TMC1: variants seen among roughly 807,000 people sequenced by gnomAD.
TMC1 encodes transmembrane channel-like protein 1.
In TMC1, 84 loss-of-function variants were observed where a neutral mutation model predicts 105.8. The observed-to-expected ratio is 0.79, with a 90% CI of 0.67 to 0.95. The LOEUF (loss-of-function observed/expected upper bound fraction) is 0.95, where lower values mean the gene tolerates loss of function less well. Among genes scored for constraint, TMC1 ranks in the 40% least tolerant of loss-of-function variants. The pLI, the probability that TMC1 is intolerant of heterozygous loss-of-function variation, is 0.00. For missense variants in TMC1, 817 were observed against 914.1 expected (o/e 0.89, Z 1.37); for synonymous variants, 315 against 311.5 (o/e 1.01, Z -0.12).
intron 8 of TMC1, among the ~76,000 whole-genome samples, chr9:72,709,309 T>C (rs1473464419): frequency 6.6e-6 from 1 of 152,138 alleles, no homozygotes; most frequent in Non-Finnish European, 1.5e-5. Flanking sequence ...TCAGGGATAT[T>C]GGTCTGTGGT....
At position 72,772,476 on chromosome 9, in the gene TMC1, A is replaced by G. The variant is rs1827944530; in HGVS notation, c.805A>G (p.Met269Val). 6.2e-7 allele frequency: 1 copy of G among 1,613,950 alleles called. No individual in the cohort carries two copies. The highest frequency in any genetic ancestry group is 8.5e-7 in the Non-Finnish European group (1 of 1,179,850). Reference sequence around the variant, plus strand: ...TGACAATAAACGAACAATTGGATGGATGAATTTCAGGTTGCCGCTCTCCTA... The same window carrying G: ...TGACAATAAACGAACAATTGGATGGGTGAATTTCAGGTTGCCGCTCTCCTA... ...YYDNKRTIGW[M>V]NFRLPLSYFL... The change falls in exon 13 of 24, where the codon ATG becomes GTG. Residue 269 changes from methionine (M) to valine (V), a missense_variant. Coordinates refer to ENST00000297784, the MANE Select transcript of TMC1 (RefSeq NM_138691.3).
At chr9:72,644,292 T>G (rs1424799728) in intron 4 of TMC1, among the ~76,000 whole-genome samples, 3 of 152,220 alleles carry the variant, frequency 2.0e-5, no homozygotes, top group Admixed American at 2.0e-4. Flanking sequence ...TTTATGTTTT[T>G]TTTTATTTTG....
chr9:72,786,385 A>G (rs998954604), intron 13 of TMC1, among the ~76,000 whole-genome samples: 16 of 152,182 alleles, frequency 1.1e-4, no homozygotes, highest in Non-Finnish European at 7.4e-5. Context: ...CGGAGCTTGC[A>G]TTGAGCCGAG....
chr9:72,646,681 T>G (rs940830587), intron 4 of TMC1, among the ~76,000 whole-genome samples: 1 of 151,968 alleles, frequency 6.6e-6, no homozygotes, highest in African/African-American at 2.4e-5. Flanking sequence ...TCCTGCAGAC[T>G]GGAGTGCAGT....
intron 2 of TMC1, among the ~76,000 whole-genome samples, chr9:72,601,715 T>A (rs558899784): frequency 3.3e-5 from 5 of 152,176 alleles, no homozygotes; most frequent in African/African-American, 1.2e-4. Context: ...TGGTGGTGCA[T>A]TCCTGTAGTT....
At chr9:72,742,613 T>A in intron 10 of TMC1, 88 bp downstream of exon 10, 1 of 1,126,164 alleles carries the variant, frequency 8.9e-7, no homozygotes, top group Non-Finnish European at 1.3e-6. Context: ...GTTTCTGGAC[T>A]TTTGGGAAGA....
intron 10 of TMC1, among the ~76,000 whole-genome samples, chr9:72,746,965 C>A (rs1389323514): frequency 2.6e-5 from 4 of 152,038 alleles, no homozygotes; most frequent in Admixed American, 2.6e-4. Flanking sequence ...TGTTTGTACC[C>A]CCAGGAAATA....
At chr9:72,793,018 C>T (rs1337076781) in intron 17 of TMC1, among the ~76,000 whole-genome samples, 2 of 152,142 alleles carry the variant, frequency 1.3e-5, no homozygotes, top group East Asian at 3.9e-4. Flanking sequence ...ACCCATACTT[C>T]TCCCGTGGAT....
At chr9:72,823,146 G>GTACT (rs1415994115) in intron 20 of TMC1, among the ~76,000 whole-genome samples, 1 of 152,102 alleles carries the variant, frequency 6.6e-6, no homozygotes, top group African/African-American at 2.4e-5. Context: ...TTTCAATGGA[G>GTACT]TACTGGGAAG....
intron 8 of TMC1, among the ~76,000 whole-genome samples, chr9:72,733,345 A>G (rs1232262312): frequency 6.6e-6 from 1 of 151,830 alleles, no homozygotes. Context: ...GAAGCCCAAC[A>G]CCTGGGCCCT....
chr9:72,792,400 A>T, intron 17 of TMC1, 48 bp downstream of exon 17: 4 of 1,608,530 alleles, frequency 2.5e-6, no homozygotes, highest in South Asian at 1.1e-5. Flanking sequence ...TTAAAAAAAG[A>T]GAGTCAATAT....
chr9:72,571,741 A>G (rs1824289815), intron 1 of TMC1, among the ~76,000 whole-genome samples: 1 of 152,064 alleles, frequency 6.6e-6, no homozygotes, highest in Non-Finnish European at 1.5e-5. Flanking sequence ...TTGAATGTTT[A>G]TATTCATAGT....
chr9:72,629,835 T>A (rs568672616), intron 4 of TMC1, among the ~76,000 whole-genome samples: 2 of 152,202 alleles, frequency 1.3e-5, no homozygotes, highest in East Asian at 3.9e-4. Context: ...ATATGATAGA[T>A]ATTTTCCTTC....
At chr9:72,806,721 G>A (rs1238424003) in intron 18 of TMC1, among the ~76,000 whole-genome samples, 33 of 150,848 alleles carry the variant, frequency 2.2e-4, no homozygotes, top group Non-Finnish European at 3.8e-4. Context: ...CCGGGAAGAG[G>A]TGCTCCTCAC....
intron 1 of TMC1, among the ~76,000 whole-genome samples, chr9:72,538,172 A>T (rs1374121049): frequency 6.6e-6 from 1 of 150,962 alleles, no homozygotes; most frequent in African/African-American, 2.4e-5. Context: ...AAAAAAAAAA[A>T]AGTGAAAGTC....
rs777510027 is a variant in TMC1 at position 72,821,067 on chromosome 9, T to C, written c.1989T>C (p.Asp663=). 3 of 1,614,210 alleles carry C rather than the reference T, an allele frequency of 1.9e-6. No individual in the cohort carries two copies. The highest frequency in any genetic ancestry group is 2.2e-5 in the South Asian group (2 of 91,082). The change falls in exon 20 of 24, where the codon GAT becomes GAC. Residue 663 remains aspartate (D), a synonymous_variant. Coordinates refer to ENST00000297784, the MANE Select transcript of TMC1 (RefSeq NM_138691.3). ...YMIVSLPPSF[D]CGPFSGKNRM... is the part of the protein sequence containing the mutation. The stretch of plus-strand genomic sequence containing the variant: ...TCGTGTCCCTCCCACCATCTTTTGA[T>C]TGTGGTCCATTCAGGTCTCTTGCTT...
Position 72,812,611 on chromosome 9 carries a change from C to A in TMC1, c.1696-3532C>A, listed in dbSNP as rs539101983. 5.3e-5 allele frequency among the ~76,000 whole-genome samples: 8 copies of A among 152,300 alleles called. No individual in the cohort carries two copies. The South Asian group carries it at 6.2e-4, about 12-fold the overall frequency. ...GATTCAGTAGATCTGAGGCCAGGCC[C>A]GAGAATGTGCTTTTCTGACAAGTTC... On this transcript the variant is annotated intron_variant, in intron 18 of 23. Coordinates refer to ENST00000297784, the MANE Select transcript of TMC1 (RefSeq NM_138691.3).
chr9:72,696,678 GA>G (rs2117851986), intron 7 of TMC1, among the ~76,000 whole-genome samples: 1 of 152,168 alleles, frequency 6.6e-6, no homozygotes, highest in African/African-American at 2.4e-5. Context: ...ACTATCTTTG[GA>G]GGCAGTTAAA....
chr9:72,758,558 C>G (rs1191227703), intron 12 of TMC1, among the ~76,000 whole-genome samples: 1 of 152,156 alleles, frequency 6.6e-6, no homozygotes, highest in Non-Finnish European at 1.5e-5. Context: ...TGCCTGAGCA[C>G]AGATTGTCTT....
Sources: gnomAD v4.1 joint callset for allele counts (sites outside exome capture counted in the v4.1 genomes callset) on GRCh38, gnomAD v4.1.1 for gene constraint, MANE v1.5 for transcripts, NCBI Gene and HGNC (gene_info 2026-07-23, HGNC 2026-07-21) for gene names.